ETV6: variants seen among roughly 807,000 people sequenced by gnomAD.
ETV6 encodes ETS variant transcription factor 6.
In ETV6, 16 loss-of-function variants were observed where a neutral mutation model predicts 51.1. The observed-to-expected ratio is 0.31, with a 90% CI of 0.21 to 0.48. The LOEUF (loss-of-function observed/expected upper bound fraction) is 0.48, where lower values mean the gene tolerates loss of function less well. Among genes scored for constraint, ETV6 ranks in the 20% least tolerant of loss-of-function variants. The probability of loss-of-function intolerance (pLI) is 0.99; values close to 1 mark genes in which losing one functional copy is unlikely to be tolerated. For synonymous variants in ETV6, 240 were observed against 224.1 expected (o/e 1.07, Z -0.64); for missense variants, 458 against 594.8 (o/e 0.77, Z 2.39).
At chr12:11,699,003 A>G (rs909617963) in intron 1 of ETV6, among the ~76,000 whole-genome samples, 1 of 152,216 alleles carries the variant, frequency 6.6e-6, no homozygotes, top group Admixed American at 6.5e-5. Flanking sequence ...AGAACCCACT[A>G]TCATCGCACT....
Position 11,847,025 on chromosome 12 carries a change from C to T in ETV6, c.329-6402C>T, listed in dbSNP as rs978554520. ...GTAGCTGGGACTACAGGCAGAGGAT[C>T]GGCATGGCAAGGTGCGGCGGTGAAA... On this transcript the variant is annotated intron_variant, in intron 3 of 7. Coordinates refer to ENST00000396373, the MANE Select transcript of ETV6 (RefSeq NM_001987.5). Among the ~76,000 whole-genome samples, 7 of 152,060 alleles carry T rather than the reference C, an allele frequency of 4.6e-5. No homozygotes were observed. In the East Asian group the frequency reaches 9.7e-4, roughly 21 times the overall value.
chr12:11,863,439 G>A (rs576637224), intron 4 of ETV6, among the ~76,000 whole-genome samples: 15 of 152,270 alleles, frequency 9.9e-5, no homozygotes, highest in Admixed American at 2.0e-4. Context: ...CCAGAATGAC[G>A]GTTCCCTGCC....
At chr12:11,752,391 C>T in intron 1 of ETV6, 59 bp from the exon 2 acceptor site, 1 of 1,568,270 alleles carries the variant, frequency 6.4e-7, no homozygotes. Context: ...CTCATACCTC[C>T]ATTCCAAGCT....
chr12:11,671,125 T>TGC (rs1864305365), intron 1 of ETV6, among the ~76,000 whole-genome samples: 5 of 152,012 alleles, frequency 3.3e-5, no homozygotes, highest in Admixed American at 6.6e-5. Context: ...AGGGTAAGGT[T>TGC]GGCAGGGCGG....
chr12:11,701,449 C>T (rs1339091783), intron 1 of ETV6, among the ~76,000 whole-genome samples: 1 of 152,292 alleles, frequency 6.6e-6, no homozygotes, highest in East Asian at 1.9e-4. Flanking sequence ...TAGCATGTGT[C>T]AGAATTTCAT....
chr12:11,892,490 A>C lies in ETV6; in HGVS notation c.*1444A>C, dbSNP rs1302117806. On this transcript the variant is annotated 3_prime_UTR_variant, in exon 8 of 8. Coordinates refer to ENST00000396373, the MANE Select transcript of ETV6 (RefSeq NM_001987.5). ...GTAGTGCCACTTCTTAGTATTTTTG[A>C]AAGCTGTTTTAGATTTTTTTTTTTT... 4.3e-6 allele frequency: 1 copy of C among 232,256 alleles called. No individual in the cohort carries two copies. The highest frequency in any genetic ancestry group is 6.0e-5 in the East Asian group (1 of 16,574). 14.4% of individuals were successfully genotyped at this position (232,256 alleles called of 1,614,324 possible). A position where few individuals can be genotyped will look rare whatever the true frequency, so the allele number is the denominator to read the frequency against.
intron 1 of ETV6, among the ~76,000 whole-genome samples, chr12:11,730,801 AC>A (rs2120975661): frequency 6.6e-6 from 1 of 152,250 alleles, no homozygotes; most frequent in African/African-American, 2.4e-5. Context: ...ATGGCCCAAG[AC>A]CCCTCAGTGG....
At chr12:11,884,332 T>C (rs1947154586) in intron 5 of ETV6, 113 bp from the exon 6 acceptor site, 1 of 1,164,730 alleles carries the variant, frequency 8.6e-7, no homozygotes, top group African/African-American at 1.5e-5. Flanking sequence ...AGTTAGACAA[T>C]CAGTCAACCC....
intron 1 of ETV6, among the ~76,000 whole-genome samples, chr12:11,667,737 C>G (rs193268301): frequency 7.3e-6 from 1 of 136,896 alleles, no homozygotes; most frequent in African/African-American, 2.7e-5. Context: ...GAGTCTCACT[C>G]GGCCGCCCAG....
At chr12:11,681,919 A>C (rs1591605328) in intron 1 of ETV6, among the ~76,000 whole-genome samples, 1 of 152,182 alleles carries the variant, frequency 6.6e-6, no homozygotes, top group Admixed American at 6.5e-5. Flanking sequence ...TTATGGCTGC[A>C]TAGTATTCCG....
intron 5 of ETV6, among the ~76,000 whole-genome samples, chr12:11,880,606 C>T (rs143297856): frequency 3.5e-4 from 54 of 152,282 alleles, no homozygotes; most frequent in African/African-American, 1.3e-3. Context: ...TGAAAACGCC[C>T]ATGCTTGTGG....
chr12:11,672,530 G>A (rs987255843), intron 1 of ETV6, among the ~76,000 whole-genome samples: 1 of 152,224 alleles, frequency 6.6e-6, no homozygotes, highest in Admixed American at 6.5e-5. Context: ...GGGAACTCGG[G>A]CTCAGATGGC....
chr12:11,866,048 G>A lies in ETV6; in HGVS notation c.464-3376G>A, dbSNP rs139791071. Among the ~76,000 whole-genome samples, 414 of 152,112 alleles carry A rather than the reference G, an allele frequency of 2.7e-3. 1 individual carries two copies. Among genetic ancestry groups the A allele is most frequent in the Non-Finnish European group, 4.2e-3 (284 of 67,984 alleles). On this transcript the variant is annotated intron_variant, in intron 4 of 7. Transcript: ENST00000396373. ...GTGATATTGTTCCACAGGTCACTGA[G>A]GATTTGTTTTGTTTGGATTTCATTT...
chr12:11,722,587 T>A lies in ETV6; in HGVS notation c.34-29863T>A, dbSNP rs1865409238. On this transcript the variant is annotated intron_variant, in intron 1 of 7. Coordinates refer to ENST00000396373, the MANE Select transcript of ETV6 (RefSeq NM_001987.5). ...TATTCTAAGAATATTCAAGGCCTGT[T>A]GTTCTCTCCTAGGCTTTCTACGTCA... Among the ~76,000 whole-genome samples the A allele has an allele frequency of 2.0e-5, 3 of 152,228 alleles. No homozygotes were observed. In the South Asian group the frequency reaches 6.2e-4, roughly 31 times the overall value.
chr12:11,738,046 G>C (rs1488317693), intron 1 of ETV6, among the ~76,000 whole-genome samples: 1 of 152,144 alleles, frequency 6.6e-6, no homozygotes, highest in Non-Finnish European at 1.5e-5. Flanking sequence ...GTTAGTCTCG[G>C]TAAGAGGTTG....
intron 1 of ETV6, among the ~76,000 whole-genome samples, chr12:11,657,777 C>T (rs1430369938): frequency 6.6e-6 from 1 of 152,178 alleles, no homozygotes. Flanking sequence ...GTTAGTGTTG[C>T]CACAGTGTAG....
At chr12:11,651,909 T>C (rs901297255) in intron 1 of ETV6, among the ~76,000 whole-genome samples, 2 of 152,192 alleles carry the variant, frequency 1.3e-5, no homozygotes, top group African/African-American at 4.8e-5. Context: ...ACCGTTTTGA[T>C]GGGCTTATGG....
intron 1 of ETV6, among the ~76,000 whole-genome samples, chr12:11,738,418 T>C (rs1865749677): frequency 6.6e-6 from 1 of 151,004 alleles, no homozygotes; most frequent in African/African-American, 2.5e-5. Flanking sequence ...TGGGCTCAAG[T>C]GATCCTCCCA....
intron 2 of ETV6, among the ~76,000 whole-genome samples, chr12:11,789,855 T>TC (rs1309059266): frequency 1.3e-5 from 2 of 152,176 alleles, no homozygotes; most frequent in African/African-American, 4.8e-5. Flanking sequence ...TGGAAGCATT[T>TC]TTTTATTCCC....
Sources: allele counts gnomAD v4.1 joint callset (sites outside exome capture counted in the v4.1 genomes callset), GRCh38; gene constraint gnomAD v4.1.1; transcripts MANE v1.5; gene names NCBI Gene and HGNC (gene_info 2026-07-23, HGNC 2026-07-21).